Variants in PRKG2 observed in about 807,000 individuals in gnomAD.
PRKG2 encodes cGMP-dependent protein kinase 2.
A neutral mutation model predicts 97.2 loss-of-function variants in PRKG2; 33 were observed. The ratio of observed to expected loss-of-function variants is 0.34; its 90% CI spans 0.26 to 0.45. The LOEUF (loss-of-function observed/expected upper bound fraction) is 0.45, where lower values mean the gene tolerates loss of function less well. Among genes scored for constraint, PRKG2 ranks in the 20% least tolerant of loss-of-function variants. The pLI is 1.00. For missense variants in PRKG2, 638 were observed against 900.0 expected (o/e 0.71, Z 3.73); for synonymous variants, 330 against 321.8 (o/e 1.03, Z -0.27).
At chr4:81,202,958 C>A (rs917292046) in intron 2 of PRKG2, among the ~76,000 whole-genome samples, 1 of 151,928 alleles carries the variant, frequency 6.6e-6, no homozygotes, top group Non-Finnish European at 1.5e-5. Context: ...AATTCTCTTA[C>A]ATGTCATTCT....
intron 2 of PRKG2, among the ~76,000 whole-genome samples, chr4:81,202,021 C>G (rs922289160): frequency 4.6e-5 from 7 of 152,052 alleles, no homozygotes; most frequent in Non-Finnish European, 8.8e-5. Flanking sequence ...AACAGAAGAG[C>G]CATTATGACT....
intron 2 of PRKG2, among the ~76,000 whole-genome samples, chr4:81,203,691 C>T (rs72882172): frequency 0.016 from 2,395 of 152,178 alleles, 33 homozygotes; most frequent in East Asian, 0.064. Flanking sequence ...ATCAAACTTT[C>T]GCCCATAAAG....
chr4:81,090,069 A>C (rs1352638263), intron 18 of PRKG2, among the ~76,000 whole-genome samples: 1 of 152,238 alleles, frequency 6.6e-6, no homozygotes, highest in Non-Finnish European at 1.5e-5. Flanking sequence ...GAAAAAGTTC[A>C]GAAATAGGCC....
At chr4:81,141,409 T>C (rs183101113) in intron 11 of PRKG2, among the ~76,000 whole-genome samples, 1 of 152,324 alleles carries the variant, frequency 6.6e-6, no homozygotes, top group African/African-American at 2.4e-5. Context: ...TCCTGAGTTA[T>C]ACTAGCCACT....
intron 10 of PRKG2, 64 bp from the exon 11 acceptor site, chr4:81,143,011 AT>A: frequency 6.7e-7 from 1 of 1,501,234 alleles, no homozygotes; most frequent in African/African-American, 1.4e-5. Context: ...CATGCCATAC[AT>A]AAATTTCACT....
At chr4:81,130,825 C>T (rs1049821407) in intron 14 of PRKG2, among the ~76,000 whole-genome samples, 1 of 152,082 alleles carries the variant, frequency 6.6e-6, no homozygotes, top group Non-Finnish European at 1.5e-5. Context: ...ATAGTTGATG[C>T]CCCTCCCCCC....
At chr4:81,164,592 TTC>T (rs1749828954) in intron 6 of PRKG2, among the ~76,000 whole-genome samples, 4 of 152,222 alleles carry the variant, frequency 2.6e-5, no homozygotes, top group Admixed American at 2.6e-4. Flanking sequence ...AAACCAGTGC[TTC>T]TTAGACTTTA....
chr4:81,151,266 A>C (rs182286947), intron 8 of PRKG2, among the ~76,000 whole-genome samples: 107 of 152,278 alleles, frequency 7.0e-4, no homozygotes, highest in Non-Finnish European at 1.3e-3. Flanking sequence ...AGATAATTCC[A>C]ATAAAGTGTG....
intron 14 of PRKG2, among the ~76,000 whole-genome samples, chr4:81,127,820 A>C (rs1166666413): frequency 6.6e-6 from 1 of 152,150 alleles, no homozygotes; most frequent in African/African-American, 2.4e-5. Context: ...AATATGCTTT[A>C]TTTCTTTCTC....
At chr4:81,192,145 G>T (rs947638724) in intron 2 of PRKG2, 3 of 152,064 alleles carry the variant, frequency 2.0e-5, no homozygotes, top group African/African-American at 7.2e-5. Flanking sequence ...GTGAACCTCT[G>T]TTACATACAA....
intron 9 of PRKG2, among the ~76,000 whole-genome samples, 189 bp downstream of exon 9, chr4:81,148,695 T>C (rs988327068): frequency 3.3e-5 from 5 of 152,204 alleles, no homozygotes; most frequent in Admixed American, 3.3e-4. Flanking sequence ...CATCTGCCCC[T>C]GCCACAGACC....
At chr4:81,098,782 A>C (rs1035247570) in intron 17 of PRKG2, among the ~76,000 whole-genome samples, 1 of 152,188 alleles carries the variant, frequency 6.6e-6, no homozygotes, top group African/African-American at 2.4e-5. Flanking sequence ...TACTAACATC[A>C]AAGATCAATG....
At chr4:81,100,670 TC>T (rs1380385362) in intron 17 of PRKG2, among the ~76,000 whole-genome samples, 1 of 152,074 alleles carries the variant, frequency 6.6e-6, no homozygotes, top group Non-Finnish European at 1.5e-5. Context: ...GGACTTCATG[TC>T]TAAAACACCA....
chr4:81,188,349 C>T (rs1264566532), intron 2 of PRKG2, among the ~76,000 whole-genome samples: 1 of 149,174 alleles, frequency 6.7e-6, no homozygotes, highest in Non-Finnish European at 1.5e-5. Flanking sequence ...GTTAGAATGG[C>T]AATCATTAAA....
chr4:81,114,567 T>C (rs1744316569), intron 14 of PRKG2, among the ~76,000 whole-genome samples: 1 of 152,226 alleles, frequency 6.6e-6, no homozygotes, highest in Non-Finnish European at 1.5e-5. Flanking sequence ...TGGCTAATAA[T>C]GGTCTGGCAA....
At position 81,142,967 on chromosome 4, in the gene PRKG2, C is replaced by A; in HGVS notation, c.1254-20G>T. The A allele has an allele frequency of 6.3e-7, 1 of 1,589,142 alleles. No homozygotes were observed. The highest frequency in any genetic ancestry group is 8.6e-7 in the Non-Finnish European group (1 of 1,163,568). On this transcript the variant is annotated intron_variant, in intron 10 of 18. Transcript: ENST00000264399. ...GACCGCCTGTACAAGAGAAGTGAAA[C>A]TTTACACACACACACCCATAATTAA...
At chr4:81,195,344 A>G (rs1752894627) in intron 2 of PRKG2, among the ~76,000 whole-genome samples, 1 of 152,162 alleles carries the variant, frequency 6.6e-6, no homozygotes, top group Non-Finnish European at 1.5e-5. Flanking sequence ...ACCTAGAAAC[A>G]TGCTGTCAAG....
intron 5 of PRKG2, among the ~76,000 whole-genome samples, chr4:81,167,929 C>G (rs564189279): frequency 6.6e-6 from 1 of 151,958 alleles, no homozygotes; most frequent in South Asian, 2.1e-4. Context: ...CTTTCTCTTC[C>G]CTAGGTTGGG....
At chr4:81,207,762 CTAATT>C (rs1213655241) in intron 1 of PRKG2, among the ~76,000 whole-genome samples, 7 of 152,136 alleles carry the variant, frequency 4.6e-5, no homozygotes, top group Non-Finnish European at 1.0e-4. Flanking sequence ...TTTCAAGTCA[CTAATT>C]TAAGATACGT....
Sources: allele counts gnomAD v4.1 joint callset (sites outside exome capture counted in the v4.1 genomes callset), GRCh38; gene constraint gnomAD v4.1.1; transcripts MANE v1.5; gene names NCBI Gene and HGNC (gene_info 2026-07-23, HGNC 2026-07-21).